The following NRXN1 variants were observed in gnomAD, a reference collection of about 807,000 sequenced individuals.
NRXN1 encodes neurexin-1.
Under a neutral mutation model 150.9 loss-of-function variants are expected in NRXN1, and 39 were observed. The ratio of observed to expected loss-of-function variants is 0.26; its 90% confidence interval spans 0.20 to 0.34. The LOEUF (loss-of-function observed/expected upper bound fraction) is 0.34. Ranked by LOEUF, NRXN1 falls within the 10% of genes least tolerant of loss-of-function variation. NRXN1 has a pLI of 1.00. For missense variants in NRXN1, 1,815 were observed against 1,949.9 expected (o/e 0.93, Z 1.30); for synonymous variants, 924 against 757.0 (o/e 1.22, Z -3.62).
rs1362915269 is a variant in NRXN1, at chr2:50,890,745, G to A, written c.832+31124C>T. On this transcript the variant is annotated intron_variant, in intron 5 of 22. Transcript: ENST00000401669. ...AAAAACATGAACAGAAACCTACACT[G>A]AAAAATTCATTTAATTATCACCTTA... Among the ~76,000 whole-genome samples the A allele has an allele frequency of 4.0e-5, 6 of 151,634 alleles. 1 individual carries two copies. Among genetic ancestry groups the A allele is most frequent in the Non-Finnish European group, 8.8e-5 (6 of 67,818 alleles).
At chr2:50,227,789 A>T (rs1453868120) in intron 18 of NRXN1, among the ~76,000 whole-genome samples, 2 of 152,040 alleles carry the variant, frequency 1.3e-5, no homozygotes, top group Non-Finnish European at 2.9e-5. Context: ...GCAAGCAGAT[A>T]CCTTCTAAAA....
intron 5 of NRXN1, among the ~76,000 whole-genome samples, chr2:50,785,883 T>C (rs1705047645): frequency 6.6e-6 from 1 of 152,110 alleles, no homozygotes; most frequent in Non-Finnish European, 1.5e-5. Flanking sequence ...ACTACTATTA[T>C]ATCCTGAATC....
chr2:50,850,249 AGG>A (rs1295635198), intron 5 of NRXN1, among the ~76,000 whole-genome samples: 3 of 150,794 alleles, frequency 2.0e-5, no homozygotes, highest in Non-Finnish European at 3.0e-5. Flanking sequence ...AAAAAAAAAA[AGG>A]TGTTTTGTTG....
At chr2:50,854,629 G>C (rs919692575) in intron 5 of NRXN1, among the ~76,000 whole-genome samples, 4 of 151,996 alleles carry the variant, frequency 2.6e-5, no homozygotes, top group Non-Finnish European at 5.9e-5. Flanking sequence ...AAGCCTTGGC[G>C]GAATACCCAA....
intron 18 of NRXN1, among the ~76,000 whole-genome samples, chr2:50,152,628 T>C (rs973451418): frequency 6.6e-6 from 1 of 151,822 alleles, no homozygotes; most frequent in Non-Finnish European, 1.5e-5. Context: ...TTTTTTTATT[T>C]TGGCACTTTG....
intron 21 of NRXN1, 32 bp downstream of exon 21, chr2:50,053,239 T>G: frequency 6.2e-7 from 1 of 1,608,094 alleles, no homozygotes; most frequent in Non-Finnish European, 8.5e-7. Context: ...TAATATAGGA[T>G]GAAAATGAAG....
chr2:50,133,981 C>G (rs1184049776), intron 18 of NRXN1, among the ~76,000 whole-genome samples: 1 of 152,118 alleles, frequency 6.6e-6, no homozygotes, highest in South Asian at 2.1e-4. Flanking sequence ...ACCCCAGGAG[C>G]AGATGCATCT....
chr2:50,484,000 T>C (rs1043054775), intron 15 of NRXN1, among the ~76,000 whole-genome samples: 2 of 152,162 alleles, frequency 1.3e-5, no homozygotes, highest in Admixed American at 1.3e-4. Context: ...GACCCAGTGG[T>C]ATAAAGGGCA....
intron 17 of NRXN1, among the ~76,000 whole-genome samples, chr2:50,253,775 G>A (rs1020661180): frequency 2.0e-5 from 3 of 152,074 alleles, no homozygotes; most frequent in African/African-American, 7.2e-5. Context: ...CTTGATCCTG[G>A]TGGATAAGCT....
rs945331348 is a variant in NRXN1 at position 50,264,202 on chromosome 2, C to T, written c.3365-27232G>A. On this transcript the variant is annotated intron_variant, in intron 17 of 22. Transcript: ENST00000401669. ...ATAAGATGTGTATTTATATATTTTC[C>T]TTAAAGAAAAACAGTGAAACAGCTC... Among the ~76,000 whole-genome samples the T allele has an allele frequency of 2.0e-5, 3 of 151,824 alleles. No individual in the cohort carries two copies. In the South Asian group the frequency reaches 6.2e-4, roughly 32 times the overall value.
At position 50,439,623 on chromosome 2, in the gene NRXN1, G is replaced by T. The variant is rs192917435; in HGVS notation, c.3364+25819C>A. Among the ~76,000 whole-genome samples, 14 of 151,968 alleles carry T rather than the reference G, an allele frequency of 9.2e-5. No homozygotes were observed. The East Asian group carries it at 2.3e-3, about 25-fold the overall frequency. On this transcript the variant is annotated intron_variant, in intron 17 of 22. Coordinates refer to ENST00000401669, the MANE Select transcript of NRXN1 (RefSeq NM_001330078.2). ...AGATTGAGACCATCCTGGCTAACAC[G>T]GTGAAAACCCATCTCTACTAAAAAA...
Position 50,265,997 on chromosome 2 carries a change from TA to T in NRXN1, c.3365-29028del, listed in dbSNP as rs1372120552. Among the ~76,000 whole-genome samples the T allele has an allele frequency of 1.3e-3, 124 of 93,236 alleles. 2 individuals carry two copies. The highest frequency in any genetic ancestry group is 3.1e-3 in the Admixed American group (27 of 8,744). 61.2% of individuals were successfully genotyped at this position (93,236 alleles called of 152,430 possible). On this transcript the variant is annotated intron_variant, in intron 17 of 22. Transcript: ENST00000401669. ...TTATTATTATTATTATTATTATTATTATTTATTTTTTTTTTTTTTGAGATAG... is the reference window on the plus strand; with the variant it reads ...TTATTATTATTATTATTATTATTATTTTTATTTTTTTTTTTTTTGAGATAG...
At chr2:50,829,042 C>T (rs553393585) in intron 5 of NRXN1, among the ~76,000 whole-genome samples, 2 of 152,318 alleles carry the variant, frequency 1.3e-5, no homozygotes, top group East Asian at 1.9e-4. Flanking sequence ...GCCCAGCCAA[C>T]ACAGCAAAAC....
intron 5 of NRXN1, among the ~76,000 whole-genome samples, chr2:50,831,574 A>C (rs1280193644): frequency 6.6e-6 from 1 of 152,176 alleles, no homozygotes; most frequent in African/African-American, 2.4e-5. Flanking sequence ...CAGTTTGTCA[A>C]AGTTCTTCAG....
At chr2:51,006,289 G>A (rs575969657) in intron 2 of NRXN1, among the ~76,000 whole-genome samples, 18 of 150,326 alleles carry the variant, frequency 1.2e-4, no homozygotes, top group East Asian at 2.0e-4. Flanking sequence ...GTAAACTATC[G>A]CAAGGACAAA....
intron 19 of NRXN1, among the ~76,000 whole-genome samples, chr2:50,080,822 A>G (rs1252747190): frequency 6.6e-6 from 1 of 152,150 alleles, no homozygotes; most frequent in East Asian, 1.9e-4. Context: ...TTAGAAGGTT[A>G]TTAGCAGGTT....
chr2:50,573,182 C>A (rs905372822), intron 8 of NRXN1, among the ~76,000 whole-genome samples: 3 of 151,956 alleles, frequency 2.0e-5, no homozygotes, highest in Admixed American at 1.3e-4. Flanking sequence ...CCAGCCTAGG[C>A]AACATAGCAA....
chr2:50,123,222 A>C (rs1490823077), intron 18 of NRXN1, among the ~76,000 whole-genome samples: 1 of 152,174 alleles, frequency 6.6e-6, no homozygotes, highest in East Asian at 1.9e-4. Context: ...TGAAATATAT[A>C]ATGTGAGAGA....
At chr2:50,795,802 T>C (rs949547323) in intron 5 of NRXN1, among the ~76,000 whole-genome samples, 2 of 152,130 alleles carry the variant, frequency 1.3e-5, no homozygotes, top group Non-Finnish European at 2.9e-5. Context: ...CTATGGTGCA[T>C]GGTCTTAATT....
Sources: gnomAD v4.1 joint callset for allele counts (sites outside exome capture counted in the v4.1 genomes callset) on GRCh38, gnomAD v4.1.1 for gene constraint, MANE v1.5 for transcripts, NCBI Gene and HGNC (gene_info 2026-07-23, HGNC 2026-07-21) for gene names.